The following RGS9 variants were observed in gnomAD, a reference collection of about 807,000 sequenced individuals.
RGS9 encodes regulator of G-protein signalling 9.
In RGS9, 78 loss-of-function variants were observed where a neutral mutation model predicts 102.0. That is an observed-to-expected ratio of 0.76 (90% confidence interval 0.64 to 0.92). The LOEUF (loss-of-function observed/expected upper bound fraction) is 0.92, where lower values mean the gene tolerates loss of function less well. Among genes scored for constraint, RGS9 ranks in the 40% least tolerant of loss-of-function variants. The probability of loss-of-function intolerance (pLI) is 0.00; values close to 1 mark genes in which losing one functional copy is unlikely to be tolerated. For synonymous variants in RGS9, 353 were observed against 318.6 expected (o/e 1.11, Z -1.15); for missense variants, 833 against 866.1 (o/e 0.96, Z 0.48).
chr17:65,157,209 G>C (rs986216168), intron 2 of RGS9, among the ~76,000 whole-genome samples: 3 of 152,172 alleles, frequency 2.0e-5, no homozygotes, highest in South Asian at 2.1e-4. Flanking sequence ...CAGGCTTCCA[G>C]CTTGGCCTTT....
chr17:65,179,610 T>C (rs574794722), intron 9 of RGS9, among the ~76,000 whole-genome samples: 2 of 150,752 alleles, frequency 1.3e-5, no homozygotes, highest in African/African-American at 4.9e-5. Flanking sequence ...CACCCATCCG[T>C]GACCCAAGCC....
chr17:65,145,841 C>A (rs571351930), intron 1 of RGS9, among the ~76,000 whole-genome samples: 1 of 151,836 alleles, frequency 6.6e-6, no homozygotes, highest in East Asian at 1.9e-4. Flanking sequence ...ACTGAGGAGA[C>A]GCCTCAGAGG....
At chr17:65,180,769 A>C (rs754582691) in intron 9 of RGS9, among the ~76,000 whole-genome samples, 2 of 152,172 alleles carry the variant, frequency 1.3e-5, no homozygotes, top group Non-Finnish European at 2.9e-5. Context: ...CATAGTACTC[A>C]TAGGTAGTTT....
chr17:65,191,224 A>G (rs551167664), intron 11 of RGS9, among the ~76,000 whole-genome samples: 86 of 152,360 alleles, frequency 5.6e-4, no homozygotes, highest in African/African-American at 2.0e-3. Flanking sequence ...TCCGTGTTCC[A>G]TAAACCCAGT....
Position 65,197,110 on chromosome 17 carries a change from C to A in RGS9, c.861-16C>A, listed in dbSNP as rs16961081. On this transcript the variant is annotated splice_polypyrimidine_tract_variant and intron_variant, in intron 12 of 18. Transcript: ENST00000262406. ...AACCGCTACCTCTCTGGTGCATTTA[C>A]AAATCATCCTTGCAGGGTGGAAATC... 44,633 of 1,595,812 alleles carry A rather than the reference C, an allele frequency of 0.028. 868 individuals are homozygous for A. The highest frequency in any genetic ancestry group is 0.083 in the African/African-American group (6,212 of 74,560).
chr17:65,210,409 C>A, intron 16 of RGS9, 79 bp from the exon 17 acceptor site: 1 of 1,511,406 alleles, frequency 6.6e-7, no homozygotes, highest in Non-Finnish European at 9.2e-7. Flanking sequence ...CCAGCCCCAG[C>A]TCCCATCAAG....
At chr17:65,217,917 T>C (rs1913573081) in intron 17 of RGS9, among the ~76,000 whole-genome samples, 1 of 152,060 alleles carries the variant, frequency 6.6e-6, no homozygotes, top group African/African-American at 2.4e-5. Flanking sequence ...GATTAGGGAA[T>C]ATTTGAGGCA....
chr17:65,166,049 T>C (rs577502859), intron 7 of RGS9, among the ~76,000 whole-genome samples: 10 of 152,306 alleles, frequency 6.6e-5, no homozygotes, highest in African/African-American at 2.2e-4. Flanking sequence ...TCTCTTCTTG[T>C]AGCCTCTCTG....
At chr17:65,150,474 T>C (rs548824928) in intron 1 of RGS9, among the ~76,000 whole-genome samples, 1 of 151,852 alleles carries the variant, frequency 6.6e-6, no homozygotes. Context: ...ATACAAAAAT[T>C]AGCTGGGCGT....
chr17:65,220,517 G>A (rs1172923569), intron 17 of RGS9, among the ~76,000 whole-genome samples: 2 of 152,212 alleles, frequency 1.3e-5, no homozygotes, highest in Non-Finnish European at 2.9e-5. Context: ...GTCATGCCAT[G>A]TGTTCACCCA....
At chr17:65,193,147 T>C (rs1912443050) in intron 11 of RGS9, among the ~76,000 whole-genome samples, 1 of 149,052 alleles carries the variant, frequency 6.7e-6, no homozygotes, top group Non-Finnish European at 1.5e-5. Flanking sequence ...GGTGCGCGTC[T>C]GTGATCCCAG....
intron 17 of RGS9, among the ~76,000 whole-genome samples, chr17:65,215,143 GA>G (rs1913441384): frequency 6.6e-6 from 1 of 152,168 alleles, no homozygotes; most frequent in African/African-American, 2.4e-5. Context: ...GAGTGAAGAC[GA>G]GTTAAGAAGT....
chr17:65,222,855 T>C (rs1905418093), intron 17 of RGS9, among the ~76,000 whole-genome samples: 1 of 152,154 alleles, frequency 6.6e-6, no homozygotes, highest in South Asian at 2.1e-4. Context: ...GGGGCTGTGG[T>C]GGGGCCAGGT....
At chr17:65,191,659 A>G (rs1912371716) in intron 11 of RGS9, among the ~76,000 whole-genome samples, 1 of 152,140 alleles carries the variant, frequency 6.6e-6, no homozygotes, top group Non-Finnish European at 1.5e-5. Flanking sequence ...AGGCACAAGA[A>G]TTGCTTGAAC....
intron 17 of RGS9, among the ~76,000 whole-genome samples, chr17:65,222,663 C>T (rs1905401046): frequency 1.3e-5 from 2 of 152,192 alleles, no homozygotes; most frequent in South Asian, 2.1e-4. Flanking sequence ...CTAATCAAGG[C>T]CCAGCTTTCC....
intron 2 of RGS9, 49 bp from the exon 3 acceptor site, chr17:65,158,246 A>G (rs1250299033): frequency 8.4e-6 from 13 of 1,552,830 alleles, no homozygotes; most frequent in Non-Finnish European, 1.1e-5. Context: ...AGGAGCGGGG[A>G]TGTGTCAGGA....
At chr17:65,190,153 C>T in intron 10 of RGS9, 22 bp from the exon 11 acceptor site, 1 of 1,601,612 alleles carries the variant, frequency 6.2e-7, no homozygotes, top group African/African-American at 1.3e-5. Context: ...TGAATACCTT[C>T]TAACAACTGT....
At chr17:65,182,088 A>C (rs186080318) in intron 9 of RGS9, among the ~76,000 whole-genome samples, 1 of 152,232 alleles carries the variant, frequency 6.6e-6, no homozygotes, top group Admixed American at 6.5e-5. Flanking sequence ...CTACTCCAAT[A>C]AGCAGCTGCT....
chr17:65,196,438 G>A (rs1290446790), intron 12 of RGS9, among the ~76,000 whole-genome samples: 1 of 152,236 alleles, frequency 6.6e-6, no homozygotes, highest in Non-Finnish European at 1.5e-5. Flanking sequence ...AGGGATAGGA[G>A]AGAACACTGA....
Sources: allele counts gnomAD v4.1 joint callset (sites outside exome capture counted in the v4.1 genomes callset), GRCh38; gene constraint gnomAD v4.1.1; transcripts MANE v1.5; gene names NCBI Gene and HGNC (gene_info 2026-07-23, HGNC 2026-07-21).